Variants in TPGS2 observed in about 807,000 individuals in gnomAD.
The protein encoded by TPGS2 is tubulin polyglutamylase complex subunit 2.
Under a neutral mutation model 31.1 loss-of-function variants are expected in TPGS2, and 26 were observed. The observed-to-expected ratio is 0.84, with a 90% CI of 0.61 to 1.16. TPGS2 has a LOEUF of 1.16. Ranked by LOEUF, TPGS2 falls within the 50% of genes most tolerant of loss-of-function variation. TPGS2 has a pLI of 0.00. For synonymous variants in TPGS2, 130 were observed against 136.6 expected, an observed-to-expected ratio of 0.95 and a Z score of 0.34; for missense variants, 351 against 363.8, an observed-to-expected ratio of 0.96 and a Z score of 0.29.
chr18:36,823,460 G>GTCTTTTTTTT (rs2045983112), intron 1 of TPGS2, among the ~76,000 whole-genome samples: 1 of 108,110 alleles, frequency 9.2e-6, no homozygotes, highest in African/African-American at 3.8e-5. Flanking sequence ...TTAACAGCTT[G>GTCTTTTTTTT]TTTTTTTTTT....
chr18:36,818,944 T>G lies in TPGS2; in HGVS notation c.115A>C (p.Ile39Leu). The G allele has an allele frequency of 6.2e-7, 1 of 1,613,796 alleles. No individual in the cohort carries two copies. Among genetic ancestry groups the G allele is most frequent in the Non-Finnish European group, 8.5e-7 (1 of 1,179,778 alleles). ...CGTTCAGCAGGAGGCTTTTCTATGA[T>G]GGTCACCTCAGTCACACCTGGGGAA... ...ESSPGVTEVT[I>L]IEKPPAERHM... The change falls in exon 2 of 7, where the codon ATC becomes CTC. Residue 39 changes from isoleucine to leucine, a missense_variant. By Grantham distance (5) the Ile-to-Leu change is conservative. Coordinates refer to ENST00000334295, the MANE Select transcript of TPGS2 (RefSeq NM_015476.4).
chr18:36,796,639 C>T lies in TPGS2; in HGVS notation c.*166G>A. ...ACAGCACAACCTGCTCTGGAGGCCT[C>T]ACTACGAGCCTGGCTAATGTCGGTG... On this transcript the variant is annotated 3_prime_UTR_variant, in exon 7 of 7. Transcript: ENST00000334295. 1 of 1,400,052 alleles carries T rather than the reference C, an allele frequency of 7.1e-7. No individual in the cohort carries two copies. The highest frequency in any genetic ancestry group is 9.2e-7 in the Non-Finnish European group (1 of 1,082,576). 86.7% of individuals were successfully genotyped at this position (1,400,052 alleles called of 1,614,324 possible).
At chr18:36,799,144 T>C (rs1019414655) in intron 5 of TPGS2, among the ~76,000 whole-genome samples, 1 of 152,160 alleles carries the variant, frequency 6.6e-6, no homozygotes, top group African/African-American at 2.4e-5. Context: ...CCATTCTTAC[T>C]ACTTCAAGCC....
chr18:36,818,003 A>G (rs2045730202), intron 2 of TPGS2, among the ~76,000 whole-genome samples: 1 of 152,172 alleles, frequency 6.6e-6, no homozygotes, highest in African/African-American at 2.4e-5. Context: ...TGCTTCCAGG[A>G]TAAGGAGTAA....
chr18:36,804,980 T>A (rs570414880), intron 4 of TPGS2, among the ~76,000 whole-genome samples: 100 of 152,294 alleles, frequency 6.6e-4, no homozygotes, highest in African/African-American at 2.4e-3. Context: ...ACTTTATCAT[T>A]GACTTTCTCA....
chr18:36,792,861 G>A (rs928775509), downstream of TPGS2, among the ~76,000 whole-genome samples: 3 of 152,354 alleles, frequency 2.0e-5, no homozygotes, highest in Admixed American at 1.3e-4. Context: ...CTACATCGAT[G>A]CATCATGAGG....
At chr18:36,786,958 C>G in intron 6 of TPGS2, 1 of 1,234,412 alleles carries the variant, frequency 8.1e-7, no homozygotes, top group Non-Finnish European at 1.0e-6. Flanking sequence ...GCTGCTGACT[C>G]TTTGCTTGTG....
At position 36,794,998 on chromosome 18, in the gene TPGS2, C is replaced by T; in HGVS notation, c.*1807G>A. On this transcript the variant is annotated 3_prime_UTR_variant, in exon 7 of 7. Transcript: ENST00000334295. ...TAATACGAAGCTCAGTTTATGCTCC[C>T]AAAGACTCTTAAGCGCTGATATTTC... The T allele has an allele frequency of 2.0e-6, 2 of 985,314 alleles. No individual in the cohort carries two copies. Among genetic ancestry groups the T allele is most frequent in the Non-Finnish European group, 1.2e-6 (1 of 829,936 alleles). 61.0% of individuals were successfully genotyped at this position (985,314 alleles called of 1,614,324 possible).
At chr18:36,811,823 A>G (rs1366189230) in intron 2 of TPGS2, among the ~76,000 whole-genome samples, 2 of 152,248 alleles carry the variant, frequency 1.3e-5, no homozygotes, top group African/African-American at 4.8e-5. Flanking sequence ...GGCACTAGAA[A>G]CAGAAAGAGA....
At chr18:36,819,047 A>T (rs1865228857) in intron 1 of TPGS2, 74 bp from the exon 2 acceptor site, 1 of 1,142,128 alleles carries the variant, frequency 8.8e-7, no homozygotes, top group African/African-American at 1.5e-5. Context: ...TTGTTGACTA[A>T]CTGTTGATGA....
intron 3 of TPGS2, among the ~76,000 whole-genome samples, chr18:36,806,850 T>TAA (rs397962723): frequency 0.12 from 4,309 of 37,272 alleles, 932 homozygotes; most frequent in African/African-American, 0.13. Flanking sequence ...GACTCCATCT[T>TAA]AAAAAAAAAA....
In TPGS2 at chr18:36,796,493, C is replaced by T; in HGVS notation, c.*312G>A. On this transcript the variant is annotated 3_prime_UTR_variant, in exon 7 of 7. Coordinates refer to ENST00000334295, the MANE Select transcript of TPGS2 (RefSeq NM_015476.4). The stretch of plus-strand genomic sequence containing the variant: ...CAAAACCAGTGGTTTCTTTGGGGGA[C>T]CTCTCTAATCAATCAGTGCTAAGGG... 5 of 1,102,196 alleles carry T rather than the reference C, an allele frequency of 4.5e-6. No individual in the cohort carries two copies. Among genetic ancestry groups the T allele is most frequent in the Non-Finnish European group, 5.5e-6 (5 of 907,182 alleles). 68.3% of individuals were successfully genotyped at this position (1,102,196 alleles called of 1,614,324 possible).
At chr18:36,828,453 G>A (rs2046300969) in intron 1 of TPGS2, among the ~76,000 whole-genome samples, 1 of 152,080 alleles carries the variant, frequency 6.6e-6, no homozygotes, top group African/African-American at 2.4e-5. Context: ...GGCGGTGAGT[G>A]GGGGAAACTT....
chr18:36,780,157 C>G, downstream of TPGS2: 1 of 1,231,902 alleles, frequency 8.1e-7, no homozygotes, highest in Non-Finnish European at 1.0e-6. Flanking sequence ...TCAGAAGCAC[C>G]CTCGCTTGGA....
At position 36,797,026 on chromosome 18, in the gene TPGS2, T is replaced by C; in HGVS notation, c.682A>G (p.Ile228Val). Residue 228 changes from isoleucine to valine, a missense_variant, in exon 7 of 7, where the codon ATC (isoleucine) becomes GTC (valine). By Grantham distance (29) the Ile-to-Val change is conservative. Coordinates refer to ENST00000334295, the MANE Select transcript of TPGS2 (RefSeq NM_015476.4). ...AKQWFSMYKP[I>V]TYNTNLLTEE... Reference sequence around the variant, plus strand: ...GTGAGCAGGTTTGTGTTGTAGGTGATAGGTTTATACATGCTGAACCATTGC... The same window carrying C: ...GTGAGCAGGTTTGTGTTGTAGGTGACAGGTTTATACATGCTGAACCATTGC... 1 of 1,597,560 alleles carries C rather than the reference T, an allele frequency of 6.3e-7. No individual in the cohort carries two copies. The highest frequency in any genetic ancestry group is 8.5e-7 in the Non-Finnish European group (1 of 1,175,296).
chr18:36,822,474 CATGCATCCATCTTTTTAT>C (rs372007187), intron 1 of TPGS2, among the ~76,000 whole-genome samples: 1,929 of 152,286 alleles, frequency 0.013, 36 homozygotes, highest in African/African-American at 0.044. Flanking sequence ...ATCCCAGAAA[CATGCATCCATCTTTTTAT>C]ATTTAACATT....
At chr18:36,820,405 A>G (rs2045845004) in intron 1 of TPGS2, among the ~76,000 whole-genome samples, 1 of 152,198 alleles carries the variant, frequency 6.6e-6, no homozygotes, top group Non-Finnish European at 1.5e-5. Flanking sequence ...ATTGGCCAAC[A>G]TGTTGACTTT....
chr18:36,798,742 T>TC (rs1315560644), intron 5 of TPGS2, 133 bp from the exon 6 acceptor site: 49 of 1,387,036 alleles, frequency 3.5e-5, no homozygotes, highest in Non-Finnish European at 4.5e-5. Context: ...AAGTAAAAGT[T>TC]CCCCTTCTGC....
intron 1 of TPGS2, among the ~76,000 whole-genome samples, chr18:36,825,222 G>A (rs1379507746): frequency 6.6e-6 from 1 of 152,094 alleles, no homozygotes. Flanking sequence ...CATGAGGTCA[G>A]GAGATCGAGA....
Sources: gnomAD v4.1 joint callset for allele counts (sites outside exome capture counted in the v4.1 genomes callset) on GRCh38, gnomAD v4.1.1 for gene constraint, MANE v1.5 for transcripts, NCBI Gene and HGNC (gene_info 2026-07-23, HGNC 2026-07-21) for gene names.